The following PCDH7 variants were observed in gnomAD, a reference collection of about 807,000 sequenced individuals.
PCDH7 encodes the protein protocadherin 7, also known as protocadherin-7.
PCDH7 carries 17 observed loss-of-function variants against 58.9 expected under a neutral mutation model. The ratio of observed to expected loss-of-function variants is 0.29; its 90% CI spans 0.20 to 0.43. The LOEUF (loss-of-function observed/expected upper bound fraction) is 0.43. Ranked by LOEUF, PCDH7 falls within the 20% of genes least tolerant of loss-of-function variation. PCDH7 has a pLI of 1.00. For synonymous variants in PCDH7, 664 were observed against 616.4 expected, an observed-to-expected ratio of 1.08 and a Z score of -1.14; for missense variants, 1,274 against 1,441.0, an observed-to-expected ratio of 0.88 and a Z score of 1.88.
At chr4:30,995,401 A>G (rs1351946182) in intron 3 of PCDH7, among the ~76,000 whole-genome samples, 1 of 151,824 alleles carries the variant, frequency 6.6e-6, no homozygotes, top group Non-Finnish European at 1.5e-5. Flanking sequence ...AGTCCCAGCT[A>G]CTCGGGAGGC....
intron 2 of PCDH7, among the ~76,000 whole-genome samples, chr4:30,937,534 T>G (rs970024216): frequency 6.6e-6 from 1 of 152,228 alleles, no homozygotes; most frequent in Non-Finnish European, 1.5e-5. Flanking sequence ...TCAAACTTGC[T>G]TAAGAATTAG....
intron 1 of PCDH7, among the ~76,000 whole-genome samples, chr4:30,797,910 T>G (rs943348250): frequency 2.0e-5 from 3 of 152,200 alleles, no homozygotes; most frequent in Non-Finnish European, 2.9e-5. Flanking sequence ...GTTGAGGTAA[T>G]ATACACGTTT....
intron 1 of PCDH7, among the ~76,000 whole-genome samples, chr4:30,870,370 C>A (rs536419524): frequency 6.6e-6 from 1 of 152,006 alleles, no homozygotes; most frequent in Admixed American, 6.6e-5. Context: ...ATGCCTATGT[C>A]CTGAATGGTA....
chr4:31,014,541 A>G (rs1753458927), intron 3 of PCDH7, among the ~76,000 whole-genome samples: 3 of 152,160 alleles, frequency 2.0e-5, no homozygotes, highest in Non-Finnish European at 4.4e-5. Flanking sequence ...GGAAAGCACA[A>G]CTACACGTAA....
At chr4:31,062,344 TC>T (rs1435210388) in intron 3 of PCDH7, among the ~76,000 whole-genome samples, 2 of 151,682 alleles carry the variant, frequency 1.3e-5, no homozygotes, top group African/African-American at 4.8e-5. Context: ...AGAAAAGAAA[TC>T]AAGTAATACA....
exon 3 of PCDH7, chr4:30,950,159 C>T (rs1157764453): frequency 1.3e-5 from 2 of 152,542 alleles, no homozygotes; most frequent in South Asian, 2.1e-4. Context: ...CTCCCCTTTC[C>T]TCATGGCAAG....
intron 3 of PCDH7, among the ~76,000 whole-genome samples, chr4:31,056,333 A>C (rs1757161034): frequency 6.6e-6 from 1 of 151,152 alleles, no homozygotes; most frequent in Non-Finnish European, 1.5e-5. Context: ...GTGTCACTGC[A>C]CTCCAGCATA....
intron 3 of PCDH7, among the ~76,000 whole-genome samples, chr4:31,110,928 A>G (rs989277708): frequency 1.3e-5 from 2 of 152,020 alleles, no homozygotes; most frequent in African/African-American, 4.8e-5. Flanking sequence ...AAAAAAAAAA[A>G]AATTGAACAC....
At chr4:30,759,269 T>C (rs1350496812) in intron 1 of PCDH7, among the ~76,000 whole-genome samples, 1 of 152,120 alleles carries the variant, frequency 6.6e-6, no homozygotes, top group Non-Finnish European at 1.5e-5. Context: ...TAAGTGGTCA[T>C]GTCAAAGATG....
intron 3 of PCDH7, among the ~76,000 whole-genome samples, chr4:31,030,552 A>G (rs536754760): frequency 6.6e-6 from 1 of 152,026 alleles, no homozygotes; most frequent in African/African-American, 2.4e-5. Context: ...TGAACAGCAT[A>G]ATTTCATCTT....
intron 3 of PCDH7, among the ~76,000 whole-genome samples, chr4:30,998,855 G>C (rs1752119833): frequency 6.6e-6 from 1 of 152,074 alleles, no homozygotes; most frequent in Non-Finnish European, 1.5e-5. Flanking sequence ...TAGGCCAAAA[G>C]GGTCCTTTTG....
chr4:30,827,024 G>A (rs75069989), intron 1 of PCDH7, among the ~76,000 whole-genome samples: 156 of 152,158 alleles, frequency 1.0e-3, no homozygotes, highest in African/African-American at 3.6e-3. Flanking sequence ...CAGTCAATGT[G>A]TATATAAACA....
intron 1 of PCDH7, among the ~76,000 whole-genome samples, chr4:30,900,995 A>C (rs1740141587): frequency 6.6e-6 from 1 of 152,166 alleles, no homozygotes; most frequent in African/African-American, 2.4e-5. Context: ...TGTCATCTTC[A>C]TTGTTCATAT....
chr4:31,117,123 C>T (rs1717093817), intron 3 of PCDH7, among the ~76,000 whole-genome samples: 1 of 152,150 alleles, frequency 6.6e-6, no homozygotes, highest in Non-Finnish European at 1.5e-5. Context: ...CTCAAGTGAT[C>T]CACCTGCCCC....
At chr4:31,145,644 A>G (rs1458980077), downstream of PCDH7, 1 of 152,092 alleles carries the variant, frequency 6.6e-6, no homozygotes, top group Non-Finnish European at 1.5e-5. Flanking sequence ...AATAAATAAT[A>G]TATTAAAAAT....
intron 3 of PCDH7, among the ~76,000 whole-genome samples, chr4:31,135,204 A>G (rs900770752): frequency 6.6e-6 from 1 of 152,166 alleles, no homozygotes. Context: ...CCATCTTTTA[A>G]TGGAGCTGCT....
At chr4:31,040,772 A>T (rs1372224279) in intron 3 of PCDH7, among the ~76,000 whole-genome samples, 2 of 152,146 alleles carry the variant, frequency 1.3e-5, no homozygotes, top group Non-Finnish European at 2.9e-5. Flanking sequence ...TTTAAGACCC[A>T]ATTTTCCCAG....
intron 3 of PCDH7, among the ~76,000 whole-genome samples, chr4:30,966,861 A>G (rs1352915171): frequency 1.3e-5 from 2 of 152,182 alleles, no homozygotes; most frequent in African/African-American, 2.4e-5. Flanking sequence ...GTGAGAGAAC[A>G]TAATTTAGTA....
At position 31,032,668 on chromosome 4, in the gene PCDH7, A is replaced by AAGGAAGGC. The variant is rs1181076977; in HGVS notation, c.*7+82456_*7+82457insAAGGCAGG. On this transcript the variant is annotated intron_variant, in intron 3 of 3. Transcript: ENST00000509759. ...ACAGAGAGAGAGAGAGGAAGGAAGG[A>AAGGAAGGC]AGGGAGGGAGGGAGGGAGGGAGGGA... Among the ~76,000 whole-genome samples, 590 of 71,204 alleles carry AAGGAAGGC rather than the reference A, an allele frequency of 8.3e-3. 18 individuals are homozygous for AAGGAAGGC. Among genetic ancestry groups the AAGGAAGGC allele is most frequent in the Admixed American group, 0.071 (483 of 6,792 alleles). The allele number at this position is 71,204 out of a possible 152,430, so 46.7% of individuals were successfully genotyped here. A position where few individuals can be genotyped will look rare whatever the true frequency, so the allele number is the denominator to read the frequency against.
Sources: gnomAD v4.1 joint callset for allele counts (sites outside exome capture counted in the v4.1 genomes callset) on GRCh38, gnomAD v4.1.1 for gene constraint, MANE v1.5 for transcripts, NCBI Gene and HGNC (gene_info 2026-07-23, HGNC 2026-07-21) for gene names.